PPARGC1A: variants seen among roughly 807,000 people sequenced by gnomAD.
PPARGC1A encodes PPARG coactivator 1 alpha.
PPARGC1A carries 25 observed loss-of-function variants against 88.7 expected under a neutral mutation model. That is an observed-to-expected ratio of 0.28 (90% CI 0.21 to 0.39). The LOEUF is 0.39. Among genes scored for constraint, PPARGC1A ranks in the 10% least tolerant of loss-of-function variants. The pLI is 1.00. For missense variants in PPARGC1A, 880 were observed against 968.7 expected (o/e 0.91, Z 1.22); for synonymous variants, 363 against 355.6 (o/e 1.02, Z -0.24).
the PPARGC1A span, among the ~76,000 whole-genome samples, chr4:24,223,457 C>T: frequency 2.6e-5 from 4 of 152,212 alleles, no homozygotes; most frequent in Admixed American, 6.5e-5. Flanking sequence ...ACCATGTTGG[C>T]CAGGCTGGTC....
the PPARGC1A span, among the ~76,000 whole-genome samples, chr4:24,076,228 C>A: frequency 2.6e-5 from 4 of 152,052 alleles, no homozygotes; most frequent in Admixed American, 6.6e-5. Flanking sequence ...GAGATGCCTG[C>A]TATTTTAATC....
the PPARGC1A span, among the ~76,000 whole-genome samples, chr4:24,023,632 G>A: frequency 4.6e-5 from 7 of 152,102 alleles, no homozygotes; most frequent in Non-Finnish European, 7.4e-5. Context: ...AGATAATATC[G>A]TCACTAGCCA....
the PPARGC1A span, among the ~76,000 whole-genome samples, chr4:24,191,359 CTG>C: frequency 1.3e-5 from 2 of 152,212 alleles, no homozygotes; most frequent in Non-Finnish European, 2.9e-5. Flanking sequence ...GAAAAGTAAA[CTG>C]AGGCTCATGG....
the PPARGC1A span, among the ~76,000 whole-genome samples, chr4:24,396,593 T>TAAAGAAGAA: frequency 6.6e-6 from 1 of 152,222 alleles, no homozygotes; most frequent in East Asian, 1.9e-4. Context: ...CTTCTCCAGC[T>TAAAGAAGAA]AAAGAAGAAT....
chr4:24,089,912 C>A, the PPARGC1A span, among the ~76,000 whole-genome samples: 3 of 152,208 alleles, frequency 2.0e-5, no homozygotes, highest in African/African-American at 7.2e-5. Context: ...AGGATCACAT[C>A]TTTGGAAGCA....
chr4:24,097,244 A>G, the PPARGC1A span, among the ~76,000 whole-genome samples: 1 of 152,218 alleles, frequency 6.6e-6, no homozygotes, highest in African/African-American at 2.4e-5. Context: ...AGATGCAAAT[A>G]TTCAATCTAG....
At chr4:24,005,264 A>G in the PPARGC1A span, among the ~76,000 whole-genome samples, 1 of 152,178 alleles carries the variant, frequency 6.6e-6, no homozygotes, top group Non-Finnish European at 1.5e-5. Context: ...AAAGAAAAAA[A>G]AAGATATGAG....
chr4:24,141,850 T>G, the PPARGC1A span, among the ~76,000 whole-genome samples: 816 of 152,034 alleles, frequency 5.4e-3, 30 homozygotes, highest in East Asian at 0.098. Context: ...TCCATGAAAA[T>G]AAAAATCTCT....
At chr4:24,053,975 G>A in the PPARGC1A span, among the ~76,000 whole-genome samples, 3 of 152,258 alleles carry the variant, frequency 2.0e-5, no homozygotes, top group South Asian at 6.2e-4. Flanking sequence ...ACACCATGAA[G>A]ATATGAAAGG....
At chr4:24,466,697 C>T in the PPARGC1A span, among the ~76,000 whole-genome samples, 1 of 151,736 alleles carries the variant, frequency 6.6e-6, no homozygotes, top group Non-Finnish European at 1.5e-5. Flanking sequence ...CTTTGGGAGG[C>T]CGAGGTCAGG....
chr4:24,243,538 T>G, the PPARGC1A span, among the ~76,000 whole-genome samples: 1 of 152,222 alleles, frequency 6.6e-6, no homozygotes, highest in Non-Finnish European at 1.5e-5. Flanking sequence ...AAAAGAGACC[T>G]GCAGAAATGA....
chr4:24,182,406 A>C, the PPARGC1A span, among the ~76,000 whole-genome samples: 1 of 152,168 alleles, frequency 6.6e-6, no homozygotes, highest in African/African-American at 2.4e-5. Context: ...ATTAATGGGC[A>C]TTCAGGTTGG....
the PPARGC1A span, among the ~76,000 whole-genome samples, chr4:24,243,803 G>A: frequency 2.6e-5 from 4 of 152,282 alleles, no homozygotes; most frequent in East Asian, 7.7e-4. Flanking sequence ...TGACGAGCCA[G>A]GCAGAAAATT....
At chr4:24,055,021 G>C in the PPARGC1A span, among the ~76,000 whole-genome samples, 1 of 152,118 alleles carries the variant, frequency 6.6e-6, no homozygotes, top group Non-Finnish European at 1.5e-5. Flanking sequence ...CCCTTTTACC[G>C]ATGAGGAAGT....
At chr4:23,900,952 C>A (rs1398877415), upstream of PPARGC1A, among the ~76,000 whole-genome samples, 1 of 152,198 alleles carries the variant, frequency 6.6e-6, no homozygotes, top group Non-Finnish European at 1.5e-5. Flanking sequence ...CAGCTGGGTG[C>A]GGTGGCTCAC....
chr4:23,844,087 T>A (rs957038295), intron 2 of PPARGC1A, among the ~76,000 whole-genome samples: 4 of 151,140 alleles, frequency 2.6e-5, no homozygotes, highest in African/African-American at 9.7e-5. Flanking sequence ...TTCTAGGAAC[T>A]TGCATTTTAG....
the PPARGC1A span, among the ~76,000 whole-genome samples, chr4:24,175,416 C>T: frequency 2.7e-5 from 4 of 148,802 alleles, no homozygotes; most frequent in South Asian, 8.6e-4. Flanking sequence ...CTTTTGTCAC[C>T]CAGGCTGGAG....
chr4:24,134,282 C>T, the PPARGC1A span, among the ~76,000 whole-genome samples: 1 of 152,224 alleles, frequency 6.6e-6, no homozygotes, highest in Non-Finnish European at 1.5e-5. Flanking sequence ...GACTTCCCTG[C>T]CCTCACGTTA....
chr4:24,324,936 G>A, the PPARGC1A span, among the ~76,000 whole-genome samples: 29 of 151,828 alleles, frequency 1.9e-4, no homozygotes, highest in Admixed American at 1.3e-4. Flanking sequence ...CTCAGCCTCC[G>A]CTCCTCCACC....
Sources: allele counts gnomAD v4.1 joint callset (sites outside exome capture counted in the v4.1 genomes callset), GRCh38; gene constraint gnomAD v4.1.1; transcripts MANE v1.5; gene names NCBI Gene and HGNC (gene_info 2026-07-23, HGNC 2026-07-21).